TRPC6: variants seen among roughly 807,000 people sequenced by gnomAD.
TRPC6 encodes short transient receptor potential channel 6.
TRPC6 carries 55 observed loss-of-function variants against 90.7 expected under a neutral mutation model. The observed-to-expected ratio is 0.61, with a 90% CI of 0.49 to 0.76. TRPC6 has a LOEUF of 0.76. Ranked by LOEUF, TRPC6 falls within the 30% of genes least tolerant of loss-of-function variation. The probability of loss-of-function intolerance (pLI) is 0.00; values close to 1 mark genes in which losing one functional copy is unlikely to be tolerated. For synonymous variants in TRPC6, 393 were observed against 393.0 expected (o/e 1.00, Z 0.00); for missense variants, 989 against 1,122.7 (o/e 0.88, Z 1.70).
At chr11:101,567,210 G>A (rs1861855612) in intron 1 of TRPC6, among the ~76,000 whole-genome samples, 2 of 152,148 alleles carry the variant, frequency 1.3e-5, no homozygotes, top group South Asian at 2.1e-4. Context: ...GCTGAGGCTT[G>A]AGGGGGCGGT....
At chr11:101,468,713 G>A (rs981900292) in intron 10 of TRPC6, among the ~76,000 whole-genome samples, 6 of 152,156 alleles carry the variant, frequency 3.9e-5, no homozygotes, top group African/African-American at 1.4e-4. Context: ...GCCCCATACT[G>A]CATAAATCTG....
chr11:101,542,989 T>C (rs1346626786), intron 1 of TRPC6, among the ~76,000 whole-genome samples: 3 of 152,056 alleles, frequency 2.0e-5, no homozygotes, highest in African/African-American at 4.8e-5. Context: ...AAGAAAATGC[T>C]AAAAACAAAT....
chr11:101,518,930 A>T (rs1296719382), intron 1 of TRPC6, among the ~76,000 whole-genome samples: 44 of 152,218 alleles, frequency 2.9e-4, no homozygotes, highest in Non-Finnish European at 7.3e-5. Context: ...AAGTGAAATA[A>T]GCCAGGTACG....
Position 101,473,623 on chromosome 11 carries a change from T to C in TRPC6, c.1895A>G (p.Lys632Arg). 6.2e-7 allele frequency: 1 copy of C among 1,613,806 alleles called. No homozygotes were observed. The highest frequency in any genetic ancestry group is 8.5e-7 in the Non-Finnish European group (1 of 1,179,794). ...PLQISLGRTVKDIFKFMVIFI... is the reference protein window; with the variant it reads ...PLQISLGRTVRDIFKFMVIFI... Reference sequence around the variant, plus strand: ...TATGACCATGAACTTGAAGATGTCTTTGACTGTTCTTCCAAGTGATATCTG... The same window carrying C: ...TATGACCATGAACTTGAAGATGTCTCTGACTGTTCTTCCAAGTGATATCTG... Residue 632 changes from lysine (K) to arginine (R), a missense_variant, in exon 7 of 13, where the codon AAA becomes AGA. Transcript: ENST00000344327.
chr11:101,506,942 C>A (rs1860282229), intron 1 of TRPC6, among the ~76,000 whole-genome samples: 2 of 151,024 alleles, frequency 1.3e-5, no homozygotes, highest in African/African-American at 4.9e-5. Flanking sequence ...CTTGATTTTT[C>A]AGGTTTGGCA....
intron 2 of TRPC6, among the ~76,000 whole-genome samples, chr11:101,494,135 C>A (rs1051100685): frequency 7.2e-5 from 11 of 152,128 alleles, no homozygotes; most frequent in Non-Finnish European, 1.0e-4. Flanking sequence ...CTGTTAGGGC[C>A]ATGCGGACGA....
intron 1 of TRPC6, among the ~76,000 whole-genome samples, chr11:101,512,056 C>A (rs1320118062): frequency 6.6e-6 from 1 of 152,082 alleles, no homozygotes; most frequent in Non-Finnish European, 1.5e-5. Flanking sequence ...CCTGTTCTCT[C>A]TCCCTCTTGT....
chr11:101,504,924 C>G (rs1860222871), intron 1 of TRPC6, 126 bp from the exon 2 acceptor site: 1 of 1,084,062 alleles, frequency 9.2e-7, no homozygotes, highest in East Asian at 2.6e-5. Context: ...TCTAGACCTA[C>G]TATATTATAA....
At chr11:101,568,337 A>T (rs567248198) in intron 1 of TRPC6, among the ~76,000 whole-genome samples, 1 of 152,314 alleles carries the variant, frequency 6.6e-6, no homozygotes, top group Non-Finnish European at 1.5e-5. Flanking sequence ...TAAACGAACA[A>T]AGCCTCCAAG....
intron 1 of TRPC6, among the ~76,000 whole-genome samples, chr11:101,558,460 T>TACACACACACACACACAC (rs71056630): frequency 4.0e-5 from 2 of 50,448 alleles, no homozygotes; most frequent in African/African-American, 1.8e-4. Context: ...CACGCACACA[T>TACACACACACACACACAC]ACACACACAC....
At chr11:101,538,361 G>A (rs1440681687) in intron 1 of TRPC6, among the ~76,000 whole-genome samples, 1 of 152,120 alleles carries the variant, frequency 6.6e-6, no homozygotes, top group African/African-American at 2.4e-5. Flanking sequence ...ATAGTCCAGG[G>A]TAACTTTCTA....
intron 1 of TRPC6, among the ~76,000 whole-genome samples, chr11:101,579,069 C>T (rs940552748): frequency 2.6e-5 from 4 of 151,780 alleles, no homozygotes; most frequent in Non-Finnish European, 5.9e-5. Flanking sequence ...CAAGTCTTGC[C>T]TCTCCCACTT....
chr11:101,576,149 T>C (rs1365249577), intron 1 of TRPC6, among the ~76,000 whole-genome samples: 1 of 152,200 alleles, frequency 6.6e-6, no homozygotes, highest in Non-Finnish European at 1.5e-5. Context: ...TTCAGCATTG[T>C]TCTTTATAAA....
chr11:101,517,438 C>G (rs992896382), intron 1 of TRPC6, among the ~76,000 whole-genome samples: 14 of 152,188 alleles, frequency 9.2e-5, no homozygotes, highest in Non-Finnish European at 1.8e-4. Flanking sequence ...TATTCCTATG[C>G]TAGTAAATTT....
At chr11:101,505,939 G>A (rs1860251834) in intron 1 of TRPC6, among the ~76,000 whole-genome samples, 1 of 150,418 alleles carries the variant, frequency 6.6e-6, no homozygotes, top group South Asian at 2.1e-4. Flanking sequence ...TTGAACCCAG[G>A]AGATCAAGGC....
At chr11:101,580,123 C>G (rs984737600) in intron 1 of TRPC6, among the ~76,000 whole-genome samples, 3 of 152,066 alleles carry the variant, frequency 2.0e-5, no homozygotes, top group African/African-American at 7.2e-5. Context: ...TTACAGTTTA[C>G]TGTTTCATTA....
chr11:101,492,029 C>T (rs1591083406), intron 2 of TRPC6, among the ~76,000 whole-genome samples: 1 of 151,622 alleles, frequency 6.6e-6, no homozygotes. Context: ...TTAGTAGAGA[C>T]GGGATTTCAC....
At chr11:101,535,089 C>T (rs1241943613) in intron 1 of TRPC6, among the ~76,000 whole-genome samples, 1 of 151,996 alleles carries the variant, frequency 6.6e-6, no homozygotes, top group Admixed American at 6.6e-5. Context: ...TCGCTTAAAC[C>T]TGGGAGGCAG....
chr11:101,568,243 A>G (rs1334059435), intron 1 of TRPC6, among the ~76,000 whole-genome samples: 2 of 152,218 alleles, frequency 1.3e-5, no homozygotes, highest in African/African-American at 2.4e-5. Context: ...CATACATGCC[A>G]AATTGATCAA....
Sources: gnomAD v4.1 joint callset for allele counts (sites outside exome capture counted in the v4.1 genomes callset) on GRCh38, gnomAD v4.1.1 for gene constraint, MANE v1.5 for transcripts, NCBI Gene and HGNC (gene_info 2026-07-23, HGNC 2026-07-21) for gene names.